The following TBC1D22A variants were observed in gnomAD, a reference collection of about 807,000 sequenced individuals.
TBC1D22A encodes the protein TBC1 domain family member 22A.
Under a neutral mutation model 60.2 loss-of-function variants are expected in TBC1D22A, and 38 were observed. That is an observed-to-expected ratio of 0.63 (90% CI 0.49 to 0.83). The LOEUF (loss-of-function observed/expected upper bound fraction) is 0.83, where lower values mean the gene tolerates loss of function less well. TBC1D22A is among the 40% of genes least tolerant of loss of function. TBC1D22A has a pLI of 0.00. For missense variants in TBC1D22A, 628 were observed against 701.0 expected, an observed-to-expected ratio of 0.90 and a Z score of 1.18; for synonymous variants, 302 against 281.7, an observed-to-expected ratio of 1.07 and a Z score of -0.72.
chr22:46,923,099 C>A (rs563092744), intron 8 of TBC1D22A, among the ~76,000 whole-genome samples: 2 of 152,164 alleles, frequency 1.3e-5, no homozygotes, highest in Admixed American at 1.3e-4. Context: ...TATGTTCCTT[C>A]AGCGTTACAG....
At chr22:46,904,342 G>A (rs1186320726) in intron 7 of TBC1D22A, among the ~76,000 whole-genome samples, 1 of 147,400 alleles carries the variant, frequency 6.8e-6, no homozygotes, top group Non-Finnish European at 1.5e-5. Flanking sequence ...TGATGTCTAT[G>A]TGGCGAGCTC....
At chr22:46,968,037 AGCC>A (rs2073892874) in intron 8 of TBC1D22A, among the ~76,000 whole-genome samples, 1 of 152,186 alleles carries the variant, frequency 6.6e-6, no homozygotes, top group Admixed American at 6.5e-5. Context: ...GAGGGAAATG[AGCC>A]CCTTAGGAGA....
At chr22:46,861,154 C>T (rs571023668) in intron 4 of TBC1D22A, among the ~76,000 whole-genome samples, 9 of 151,970 alleles carry the variant, frequency 5.9e-5, no homozygotes, top group East Asian at 5.8e-4. Context: ...GATGGAGTTT[C>T]GCCCTCTTGC....
chr22:47,165,245 G>C (rs754067170), intron 12 of TBC1D22A, among the ~76,000 whole-genome samples: 1 of 152,086 alleles, frequency 6.6e-6, no homozygotes, highest in South Asian at 2.1e-4. Flanking sequence ...TGCCTGTCTC[G>C]CTCCAGGGGG....
chr22:46,858,466 C>CG (rs904933120), intron 4 of TBC1D22A, among the ~76,000 whole-genome samples: 1 of 152,090 alleles, frequency 6.6e-6, no homozygotes, highest in Non-Finnish European at 1.5e-5. Flanking sequence ...CAAACACCCC[C>CG]CCCAGCTCTG....
intron 11 of TBC1D22A, among the ~76,000 whole-genome samples, chr22:47,070,217 G>C (rs529106724): frequency 6.6e-6 from 1 of 150,740 alleles, no homozygotes; most frequent in South Asian, 2.1e-4. Context: ...CTGTTGTTTG[G>C]TTGGAGCGGA....
Position 46,958,731 on chromosome 22 carries a change from C to A in TBC1D22A, c.1016-15559C>A, listed in dbSNP as rs147596326. On this transcript the variant is annotated intron_variant, in intron 8 of 12. Coordinates refer to ENST00000337137, the MANE Select transcript of TBC1D22A (RefSeq NM_014346.5). ...CCAAAGGAGACAGCAGGCTTTGCTT[C>A]TTTTAAAAAGTTGCTGTTCGACCTT... Among the ~76,000 whole-genome samples the A allele has an allele frequency of 2.3e-3, 346 of 152,342 alleles. 1 individual carries two copies. Among genetic ancestry groups the A allele is most frequent in the African/African-American group, 8.1e-3 (335 of 41,586 alleles).
intron 4 of TBC1D22A, among the ~76,000 whole-genome samples, chr22:46,813,998 A>G (rs2085488326): frequency 6.6e-6 from 1 of 152,232 alleles, no homozygotes; most frequent in Admixed American, 6.5e-5. Context: ...TGGCGACCAG[A>G]AAGCTGTTGC....
intron 12 of TBC1D22A, among the ~76,000 whole-genome samples, chr22:47,114,818 C>G (rs952244828): frequency 1.3e-5 from 2 of 152,174 alleles, no homozygotes; most frequent in African/African-American, 2.4e-5. Context: ...TGTTGTTAAA[C>G]AGCAGAGCCA....
intron 4 of TBC1D22A, among the ~76,000 whole-genome samples, chr22:46,856,235 C>T (rs983954438): frequency 9.8e-5 from 15 of 152,294 alleles, no homozygotes; most frequent in African/African-American, 2.9e-4. Context: ...GCGTGGCTGC[C>T]CCATTAATAT....
At chr22:46,770,836 C>G (rs898837022) in intron 1 of TBC1D22A, among the ~76,000 whole-genome samples, 6 of 152,212 alleles carry the variant, frequency 3.9e-5, no homozygotes, top group African/African-American at 7.2e-5. Flanking sequence ...AACCCTCAGT[C>G]CTGTTTTCCA....
At chr22:47,091,217 A>T (rs1227930150) in intron 11 of TBC1D22A, among the ~76,000 whole-genome samples, 40 of 140,194 alleles carry the variant, frequency 2.9e-4, no homozygotes, top group Admixed American at 2.7e-3. Flanking sequence ...GTTGATAGAG[A>T]CAGGCAGGAG....
chr22:47,067,137 G>A (rs1008364810), intron 11 of TBC1D22A, among the ~76,000 whole-genome samples: 1 of 152,132 alleles, frequency 6.6e-6, no homozygotes. Flanking sequence ...GTGGTGGCAC[G>A]TGCCTATAAA....
In TBC1D22A at chr22:47,058,937, T is replaced by C. The variant is rs572935093; in HGVS notation, c.1329+21739T>C. On this transcript the variant is annotated intron_variant, in intron 11 of 12. Coordinates refer to ENST00000337137, the MANE Select transcript of TBC1D22A (RefSeq NM_014346.5). ...CCTGGGGAACCTCTCCCCATACCCCTCCCTCAGTTGAGGGTGAAGAAGGAC... is the reference window on the plus strand; with the variant it reads ...CCTGGGGAACCTCTCCCCATACCCCCCCCTCAGTTGAGGGTGAAGAAGGAC... Among the ~76,000 whole-genome samples, 278 of 152,210 alleles carry C rather than the reference T, an allele frequency of 1.8e-3. 1 individual carries two copies. The highest frequency in any genetic ancestry group is 6.5e-3 in the African/African-American group (268 of 41,534).
chr22:47,105,724 C>G (rs1036891152), intron 11 of TBC1D22A, among the ~76,000 whole-genome samples: 1 of 152,308 alleles, frequency 6.6e-6, no homozygotes, highest in Admixed American at 6.5e-5. Context: ...ACAAGGCCCT[C>G]AGGCTCTAGA....
chr22:46,779,719 A>G (rs1276429985), intron 1 of TBC1D22A, among the ~76,000 whole-genome samples: 1 of 152,178 alleles, frequency 6.6e-6, no homozygotes, highest in Non-Finnish European at 1.5e-5. Context: ...CTCAGCCCCT[A>G]CTGGGTTCTC....
intron 11 of TBC1D22A, among the ~76,000 whole-genome samples, chr22:47,058,867 C>T (rs1041776517): frequency 2.0e-5 from 3 of 152,244 alleles, no homozygotes; most frequent in South Asian, 2.1e-4. Context: ...GAATGGGGCC[C>T]GCTGGACCCA....
chr22:46,941,092 G>T (rs1412423504), intron 8 of TBC1D22A, among the ~76,000 whole-genome samples: 1 of 128,442 alleles, frequency 7.8e-6, no homozygotes, highest in Non-Finnish European at 1.6e-5. Flanking sequence ...ACAGCATGGG[G>T]ACTGGGGCAC....
intron 4 of TBC1D22A, among the ~76,000 whole-genome samples, chr22:46,843,704 AG>A (rs2086873530): frequency 6.6e-6 from 1 of 151,992 alleles, no homozygotes; most frequent in Non-Finnish European, 1.5e-5. Context: ...ACAGTTTAAG[AG>A]GGGCAGGTGA....
Sources: gnomAD v4.1 joint callset for allele counts (sites outside exome capture counted in the v4.1 genomes callset) on GRCh38, gnomAD v4.1.1 for gene constraint, MANE v1.5 for transcripts, NCBI Gene and HGNC (gene_info 2026-07-23, HGNC 2026-07-21) for gene names.